The following VPS13D variants were observed in gnomAD, a reference collection of about 807,000 sequenced individuals.
VPS13D encodes the protein vacuolar protein sorting 13 homolog D.
In VPS13D, 187 loss-of-function variants were observed where a neutral mutation model predicts 461.9. The observed-to-expected ratio is 0.40, with a 90% CI of 0.36 to 0.46. The LOEUF is 0.46. Ranked by LOEUF, VPS13D falls within the 20% of genes least tolerant of loss-of-function variation. The pLI, the probability that VPS13D is intolerant of heterozygous loss-of-function variation, is 0.60. For synonymous variants in VPS13D, 1,951 were observed against 1,986.3 expected, an observed-to-expected ratio of 0.98 and a Z score of 0.47; for missense variants, 4,711 against 5,364.9, an observed-to-expected ratio of 0.88 and a Z score of 3.81.
intron 27 of VPS13D, among the ~76,000 whole-genome samples, chr1:12,310,028 C>A (rs1469452385): frequency 6.6e-6 from 1 of 151,974 alleles, no homozygotes; most frequent in Non-Finnish European, 1.5e-5. Flanking sequence ...ACTGGCTAAG[C>A]AGTCTTAAGA....
Position 12,303,972 on chromosome 1 carries a change from G to A in VPS13D, c.6217-534G>A, listed in dbSNP as rs945872276. On this transcript the variant is annotated intron_variant, in intron 25 of 69. Coordinates refer to ENST00000620676, the MANE Select transcript of VPS13D (RefSeq NM_015378.4). ...TTCTTAATTTGTATGTCCTTGAGCA[G>A]AAACATCATAGGAATGGCTGGCCTC... 6.0e-4 allele frequency among the ~76,000 whole-genome samples: 91 copies of A among 152,192 alleles called. 3 individuals are homozygous for A. Among genetic ancestry groups the A allele is most frequent in the Non-Finnish European group, 4.4e-5 (3 of 68,026 alleles).
intron 63 of VPS13D, among the ~76,000 whole-genome samples, chr1:12,407,540 T>C (rs1364052994): frequency 6.6e-6 from 1 of 152,206 alleles, no homozygotes; most frequent in African/African-American, 2.4e-5. Flanking sequence ...TGTATTTGAT[T>C]AGTCATTTAG....
At chr1:12,455,947 A>G in intron 65 of VPS13D, 51 bp from the exon 66 acceptor site, 1 of 1,547,076 alleles carries the variant, frequency 6.5e-7, no homozygotes. Context: ...TCAAATAGTA[A>G]AAATAGTGCC....
rs1368447673 is a variant in VPS13D at position 12,282,753 on chromosome 1, A to G, written c.4651A>G (p.Asn1551Asp). 1.2e-6 allele frequency: 2 copies of G among 1,613,638 alleles called. No homozygotes were observed. Among genetic ancestry groups the G allele is most frequent in the Non-Finnish European group, 1.7e-6 (2 of 1,179,720 alleles). ...TGAGCAGGTTTTACAAACCCTGGACAATCTCGTGTACAGTGAAGATCTGAA... is the reference window on the plus strand; with the variant it reads ...TGAGCAGGTTTTACAAACCCTGGACGATCTCGTGTACAGTGAAGATCTGAA... Reference protein sequence around the residue: ...VYEQVLQTLDNLVYSEDLNKY... With the variant: ...VYEQVLQTLDDLVYSEDLNKY... Residue 1551 changes from asparagine (N) to aspartate (D), a missense_variant, in exon 21 of 70, where the codon AAT becomes GAT. Physicochemically the swap from Asn to Asp is conservative, Grantham distance 23 (BLOSUM62 1). Coordinates refer to ENST00000620676, the MANE Select transcript of VPS13D (RefSeq NM_015378.4).
Position 12,279,404 on chromosome 1 carries a change from C to A in VPS13D, c.4451-95C>A. 1 of 1,384,568 alleles carries A rather than the reference C, an allele frequency of 7.2e-7. No individual in the cohort carries two copies. The highest frequency in any genetic ancestry group is 2.4e-5 in the East Asian group (1 of 42,296). The allele number at this position is 1,384,568 out of a possible 1,614,324, so 85.8% of individuals were successfully genotyped here. On this transcript the variant is annotated intron_variant, in intron 19 of 69. Transcript: ENST00000620676. The surrounding 1 kb of genome is among the most constrained non-coding windows in gnomAD (Gnocchi z 4.3). ...ACCTGCCCTCCTGGTCTAAGTGTAA[C>A]TCATGGGCTGTATTTTGTATATTCT...
chr1:12,387,225 GC>G (rs1009240006), intron 60 of VPS13D, among the ~76,000 whole-genome samples: 1 of 152,174 alleles, frequency 6.6e-6, no homozygotes, highest in Admixed American at 6.5e-5. Context: ...TGATTAATTA[GC>G]CCTAAACTGA....
At chr1:12,458,790 A>G (rs2100409220) in intron 66 of VPS13D, among the ~76,000 whole-genome samples, 1 of 152,202 alleles carries the variant, frequency 6.6e-6, no homozygotes, top group East Asian at 1.9e-4. Context: ...GATGCTCCCT[A>G]GACGGGCTGC....
In VPS13D at chr1:12,505,946, G is replaced by A. The variant is rs924301135; in HGVS notation, c.12795-907G>A. On this transcript the variant is annotated intron_variant, in intron 68 of 69. Transcript: ENST00000620676. This position sits in a 1 kb window ranked among gnomAD's most constrained non-coding sequence, Gnocchi z 4.2. ...GGGAACAACGCCGTTCTGGACCCAG[G>A]TTTCAGAACACTTCCAGGTGGAGCC... 2.0e-5 allele frequency among the ~76,000 whole-genome samples: 3 copies of A among 152,242 alleles called. No individual in the cohort carries two copies. Among genetic ancestry groups the A allele is most frequent in the Non-Finnish European group, 2.9e-5 (2 of 68,040 alleles).
chr1:12,484,726 G>C (rs1334302063), intron 67 of VPS13D, among the ~76,000 whole-genome samples: 1 of 152,216 alleles, frequency 6.6e-6, no homozygotes. Context: ...ACCTAAGATT[G>C]GTGGGAAAGT....
intron 52 of VPS13D, among the ~76,000 whole-genome samples, chr1:12,366,965 A>G (rs1331643412): frequency 6.6e-6 from 1 of 152,242 alleles, no homozygotes; most frequent in Non-Finnish European, 1.5e-5. Flanking sequence ...CTATTGTCAC[A>G]TACTGATGAA....
At chr1:12,435,036 C>T (rs1460856662) in intron 65 of VPS13D, among the ~76,000 whole-genome samples, 1 of 152,132 alleles carries the variant, frequency 6.6e-6, no homozygotes, top group African/African-American at 2.4e-5. Flanking sequence ...TTAACTTAGC[C>T]CTGCGGAATA....
In VPS13D at chr1:12,495,402, T is replaced by A. The variant is rs1183284062; in HGVS notation, c.12663-2098T>A. Among the ~76,000 whole-genome samples the A allele has an allele frequency of 2.6e-5, 4 of 152,034 alleles. No homozygotes were observed. Among genetic ancestry groups the A allele is most frequent in the Non-Finnish European group, 4.4e-5 (3 of 67,984 alleles). On this transcript the variant is annotated intron_variant, in intron 67 of 69. Transcript: ENST00000620676. The surrounding 1 kb of genome is among the most constrained non-coding windows in gnomAD (Gnocchi z 4.0). ...CTTGATCTCCTGACCCTGTGATCCA[T>A]CCGCCTCGGCCTCCCAAAGTGCTGG... is the stretch of plus-strand genomic sequence containing the variant.
At chr1:12,501,830 A>C (rs915515642) in intron 68 of VPS13D, among the ~76,000 whole-genome samples, 1 of 152,248 alleles carries the variant, frequency 6.6e-6, no homozygotes, top group African/African-American at 2.4e-5. Context: ...AAGCCAGGGA[A>C]GGCTTCACAG....
At position 12,308,648 on chromosome 1, in the gene VPS13D, GTTTT is replaced by G. The variant is rs750147071; in HGVS notation, c.6650+19_6650+22del. 23 of 1,454,142 alleles carry G rather than the reference GTTTT, an allele frequency of 1.6e-5. No individual in the cohort carries two copies. Among genetic ancestry groups the G allele is most frequent in the Non-Finnish European group, 1.9e-5 (20 of 1,057,916 alleles). 90.1% of individuals were successfully genotyped at this position (1,454,142 alleles called of 1,614,324 possible). The stretch of plus-strand genomic sequence containing the variant: ...TGGAAAGGAATTTGGACAAGTGAGT[GTTTT>G]TTTTTTTTTTTGAGATGGAGTCTCG... On this transcript the variant is annotated splice_region_variant and intron_variant, in intron 27 of 69. Transcript: ENST00000620676.
At chr1:12,272,931 A>T in intron 17 of VPS13D, 72 bp from the exon 18 acceptor site, 1 of 1,558,408 alleles carries the variant, frequency 6.4e-7, no homozygotes, top group Admixed American at 2.0e-5. Flanking sequence ...CAGCTTCCAG[A>T]AATGCTTGAG....
chr1:12,234,296 C>T lies in VPS13D; in HGVS notation c.30C>T (p.Leu10=). 6.2e-7 allele frequency: 1 copy of T among 1,614,090 alleles called. No homozygotes were observed. Among genetic ancestry groups the T allele is most frequent in the African/African-American group, 1.3e-5 (1 of 75,046 alleles). ...TGGAAGGCCTTGTAGCCTGGGTTCT[C>T]AATACCTATTTGGGAAAATATGTCA... The part of the protein sequence containing the change: MLEGLVAWV[L]NTYLGKYVNN... The change falls in exon 2 of 70, where the codon CTC becomes CTT. Residue 10 remains leucine (L), a synonymous_variant. Coordinates refer to ENST00000620676, the MANE Select transcript of VPS13D (RefSeq NM_015378.4).
rs546063896 is a variant in VPS13D, at chr1:12,453,142, A to G, written c.12334-2856A>G. ...TTGGTGCTGGGGAGCTGAGGCTGCC[A>G]CAGCAGACTTAGTTGGAAATTAAGC... On this transcript the variant is annotated intron_variant, in intron 65 of 69. Coordinates refer to ENST00000620676, the MANE Select transcript of VPS13D (RefSeq NM_015378.4). Among the ~76,000 whole-genome samples, 60 of 152,314 alleles carry G rather than the reference A, an allele frequency of 3.9e-4. 2 individuals carry two copies. The South Asian group carries it at 0.012, about 30-fold the overall frequency.
At chr1:12,346,791 T>A in intron 44 of VPS13D, 139 bp downstream of exon 44, 1 of 822,336 alleles carries the variant, frequency 1.2e-6, no homozygotes, top group Non-Finnish European at 1.8e-6. Flanking sequence ...CCTTTTCTAT[T>A]AATGATTACC....
intron 67 of VPS13D, among the ~76,000 whole-genome samples, chr1:12,485,508 C>T (rs1409232786): frequency 6.6e-6 from 1 of 152,240 alleles, no homozygotes; most frequent in Admixed American, 6.5e-5. Context: ...TCAGCAAATC[C>T]GTTGAGTGCA....
Sources: gnomAD v4.1 joint callset for allele counts (sites outside exome capture counted in the v4.1 genomes callset) on GRCh38, gnomAD v4.1.1 for gene constraint, Gnocchi (gnomAD v3.1) non-coding constraint, MANE v1.5 for transcripts, NCBI Gene and HGNC (gene_info 2026-07-23, HGNC 2026-07-21) for gene names.